CCNY: variants seen among roughly 807,000 people sequenced by gnomAD.
CCNY encodes the protein cyclin-Y.
In CCNY, 19 loss-of-function variants were observed where a neutral mutation model predicts 42.8. The ratio of observed to expected loss-of-function variants is 0.44; its 90% confidence interval spans 0.31 to 0.65. The LOEUF is 0.65. CCNY is among the 30% of genes least tolerant of loss of function. The probability of loss-of-function intolerance (pLI) is 0.07; values close to 1 mark genes in which losing one functional copy is unlikely to be tolerated. For synonymous variants in CCNY, 165 were observed against 162.7 expected, an observed-to-expected ratio of 1.01 and a Z score of -0.11; for missense variants, 370 against 437.3, an observed-to-expected ratio of 0.85 and a Z score of 1.37.
At chr10:35,418,908 C>T (rs1017747570) in intron 1 of CCNY, among the ~76,000 whole-genome samples, 2 of 152,024 alleles carry the variant, frequency 1.3e-5, no homozygotes, top group African/African-American at 4.8e-5. Flanking sequence ...GCAACCTCCG[C>T]CTCCTGGGTT....
At chr10:35,325,303 T>C (rs1835866110) in intron 3 of CCNY, among the ~76,000 whole-genome samples, 1 of 152,016 alleles carries the variant, frequency 6.6e-6, no homozygotes, top group South Asian at 2.1e-4. Flanking sequence ...CTCAGCCTCC[T>C]GAGTAGCTGG....
intron 1 of CCNY, among the ~76,000 whole-genome samples, chr10:35,425,634 A>G (rs1037104679): frequency 2.6e-5 from 4 of 152,242 alleles, no homozygotes. Flanking sequence ...GTTTGTTTAT[A>G]GCATATGTAG....
chr10:35,512,116 A>T (rs926564047), intron 3 of CCNY, among the ~76,000 whole-genome samples: 6 of 152,262 alleles, frequency 3.9e-5, no homozygotes, highest in African/African-American at 1.4e-4. Flanking sequence ...TAGAATCGAT[A>T]GCACTTGATA....
In CCNY at chr10:35,336,941, G is replaced by A. The variant is rs1175195345; in HGVS notation, c.-113G>A. ...CCGTTCCGCCCCCTCCCGTGGCGGC[G>A]AGCGGGCGGGCCTCCCCACACGCCC... On this transcript the variant is annotated 5_prime_UTR_variant, in exon 1 of 10. Transcript: ENST00000374704. 12 of 766,738 alleles carry A rather than the reference G, an allele frequency of 1.6e-5. No homozygotes were observed. Among genetic ancestry groups the A allele is most frequent in the Non-Finnish European group, 2.0e-5 (12 of 600,410 alleles). The allele number at this position is 766,738 out of a possible 1,614,324, so 47.5% of individuals were successfully genotyped here. A position where few individuals can be genotyped will look rare whatever the true frequency, so the allele number is the denominator to read the frequency against.
At chr10:35,331,444 T>C (rs1012807288) in intron 3 of CCNY, among the ~76,000 whole-genome samples, 1 of 152,196 alleles carries the variant, frequency 6.6e-6, no homozygotes, top group Non-Finnish European at 1.5e-5. Flanking sequence ...AGTGGTGAGG[T>C]AGATAAATCA....
chr10:35,329,161 A>G (rs970570049), intron 3 of CCNY, among the ~76,000 whole-genome samples: 8 of 152,234 alleles, frequency 5.3e-5, no homozygotes, highest in African/African-American at 1.9e-4. Context: ...AAGAGATTTA[A>G]AAATGTTCCT....
At chr10:35,540,830 T>C (rs1167769228) in intron 7 of CCNY, among the ~76,000 whole-genome samples, 1 of 152,222 alleles carries the variant, frequency 6.6e-6, no homozygotes, top group Non-Finnish European at 1.5e-5. Context: ...TATTCCTTTA[T>C]GATTCTTTTT....
At chr10:35,362,432 C>T (rs964266718) in intron 1 of CCNY, among the ~76,000 whole-genome samples, 3 of 152,078 alleles carry the variant, frequency 2.0e-5, no homozygotes, top group Non-Finnish European at 4.4e-5. Context: ...GAAAGTCCTC[C>T]AGGTGACAAA....
intron 1 of CCNY, among the ~76,000 whole-genome samples, chr10:35,480,880 C>T (rs1002547182): frequency 2.6e-5 from 4 of 152,078 alleles, no homozygotes; most frequent in African/African-American, 7.2e-5. Flanking sequence ...GCAGGAGGAT[C>T]GCTTGAATCC....
rs548900493 is a variant in CCNY at position 35,428,265 on chromosome 10, CAG to C, written c.155-55133_155-55132del. Among the ~76,000 whole-genome samples, 12 of 152,150 alleles carry C rather than the reference CAG, an allele frequency of 7.9e-5. No homozygotes were observed. In the East Asian group the frequency reaches 2.1e-3, roughly 27 times the overall value. ...AGGTATGTTCCTTGATTGCCTAAAA[CAG>C]AGAGAACCTGATCCCGACTGGGGCT... is the stretch of plus-strand genomic sequence containing the variant. On this transcript the variant is annotated intron_variant, in intron 1 of 9. Transcript: ENST00000374704.
chr10:35,347,195 A>G (rs948367338), intron 1 of CCNY, among the ~76,000 whole-genome samples: 4 of 152,180 alleles, frequency 2.6e-5, no homozygotes, highest in African/African-American at 4.8e-5. Context: ...GTGGGGCTTC[A>G]CTGGGTATGG....
intron 7 of CCNY, among the ~76,000 whole-genome samples, chr10:35,546,915 C>T (rs969214440): frequency 3.3e-5 from 5 of 152,184 alleles, no homozygotes; most frequent in East Asian, 1.9e-4. Flanking sequence ...GAGGTTGCAG[C>T]GCCTCATGTC....
intron 7 of CCNY, among the ~76,000 whole-genome samples, chr10:35,535,550 G>A (rs544496481): frequency 6.6e-5 from 10 of 152,224 alleles, no homozygotes; most frequent in South Asian, 2.1e-4. Flanking sequence ...ATACATATAC[G>A]TATATGTATG....
intron 1 of CCNY, among the ~76,000 whole-genome samples, chr10:35,407,644 C>T (rs184602672): frequency 9.9e-5 from 15 of 152,070 alleles, no homozygotes; most frequent in South Asian, 6.2e-4. Flanking sequence ...GAAAATAAGA[C>T]GCTTAGATTT....
intron 1 of CCNY, among the ~76,000 whole-genome samples, chr10:35,424,639 G>A (rs1419120230): frequency 6.6e-6 from 1 of 152,176 alleles, no homozygotes; most frequent in Non-Finnish European, 1.5e-5. Flanking sequence ...ACACAGGGAG[G>A]CATGTCTGAT....
chr10:35,418,529 C>G (rs1480981858), intron 1 of CCNY, among the ~76,000 whole-genome samples: 1 of 152,172 alleles, frequency 6.6e-6, no homozygotes, highest in African/African-American at 2.4e-5. Flanking sequence ...TGTCCACAGG[C>G]CCTCTCCTGT....
intron 5 of CCNY, among the ~76,000 whole-genome samples, chr10:35,527,590 C>G (rs946566852): frequency 1.3e-5 from 2 of 152,104 alleles, no homozygotes; most frequent in African/African-American, 4.8e-5. Flanking sequence ...GATGATACAA[C>G]TAGTAAATTG....
chr10:35,539,123 A>G lies in CCNY; in HGVS notation c.579+8880A>G, dbSNP rs185120826. 3.8e-4 allele frequency among the ~76,000 whole-genome samples: 58 copies of G among 152,280 alleles called. No individual in the cohort carries two copies. In the East Asian group the frequency reaches 6.5e-3, roughly 17 times the overall value. ...AATTTTGTTCCATTTATCTATATGT[A>G]TTTCCTTATATCAGTACTACACTAT... On this transcript the variant is annotated intron_variant, in intron 7 of 9. Transcript: ENST00000374704.
chr10:35,300,149 C>A (rs1042053301), intron 3 of CCNY, among the ~76,000 whole-genome samples: 2 of 152,190 alleles, frequency 1.3e-5, no homozygotes, highest in South Asian at 2.1e-4. Context: ...TTACGTTGTG[C>A]GTGAGCCAAA....
Sources: allele counts gnomAD v4.1 joint callset (sites outside exome capture counted in the v4.1 genomes callset), GRCh38; gene constraint gnomAD v4.1.1; transcripts MANE v1.5; gene names NCBI Gene and HGNC (gene_info 2026-07-23, HGNC 2026-07-21).